Variants in TMEM87A observed in about 807,000 individuals in gnomAD.
The protein encoded by TMEM87A is transmembrane protein 87A.
Under a neutral mutation model 90.0 loss-of-function variants are expected in TMEM87A, and 50 were observed. The observed-to-expected ratio is 0.56, with a 90% confidence interval of 0.44 to 0.70. The LOEUF is 0.70. TMEM87A is among the 30% of genes least tolerant of loss of function. TMEM87A has a pLI of 0.00. For missense variants in TMEM87A, 577 were observed against 660.5 expected, an observed-to-expected ratio of 0.87 and a Z score of 1.39; for synonymous variants, 226 against 226.7, an observed-to-expected ratio of 1.00 and a Z score of 0.03.
chr15:42,215,938 A>G (rs914593041), intron 19 of TMEM87A, among the ~76,000 whole-genome samples: 1 of 152,214 alleles, frequency 6.6e-6, no homozygotes, highest in Admixed American at 6.5e-5. Context: ...GTGCACTCCC[A>G]TGTTCACTGC....
At chr15:42,266,510 C>T (rs2051407839) in intron 3 of TMEM87A, among the ~76,000 whole-genome samples, 1 of 55,014 alleles carries the variant, frequency 1.8e-5, no homozygotes, top group Non-Finnish European at 4.5e-5. Flanking sequence ...AGTGAGACTC[C>T]ATCTCAAAAA....
chr15:42,265,290 T>C (rs971184418), intron 3 of TMEM87A, among the ~76,000 whole-genome samples: 32 of 152,224 alleles, frequency 2.1e-4, no homozygotes, highest in African/African-American at 7.7e-4. Flanking sequence ...GCCACAGTGC[T>C]TTCCACAGTG....
In TMEM87A at chr15:42,270,105, C is replaced by T. The variant is rs2051488455; in HGVS notation, c.205+1958G>A. On this transcript the variant is annotated intron_variant, in intron 2 of 19. Coordinates refer to ENST00000389834, the MANE Select transcript of TMEM87A (RefSeq NM_015497.5). ...GTGTCTCAGGCCGGGCACGGTGGCTCACACCTGTAATCCCAGAACTGTGGG... is the reference window on the plus strand; with the variant it reads ...GTGTCTCAGGCCGGGCACGGTGGCTTACACCTGTAATCCCAGAACTGTGGG... Among the ~76,000 whole-genome samples, 3 of 152,238 alleles carry T rather than the reference C, an allele frequency of 2.0e-5. No individual in the cohort carries two copies. In the South Asian group the frequency reaches 6.2e-4, roughly 32 times the overall value.
At chr15:42,264,699 A>ATATATTTTTTTTTTT (rs10681614) in intron 3 of TMEM87A, among the ~76,000 whole-genome samples, 14 of 109,436 alleles carry the variant, frequency 1.3e-4, no homozygotes, top group East Asian at 5.8e-4. Flanking sequence ...ATATATATAT[A>ATATATTTTTTTTTTT]TTTTTTTTTT....
chr15:42,268,859 T>A (rs1464138329), intron 2 of TMEM87A, among the ~76,000 whole-genome samples: 2 of 152,120 alleles, frequency 1.3e-5, no homozygotes, highest in Non-Finnish European at 2.9e-5. Flanking sequence ...TGTTAAATGG[T>A]GTTAAATGAT....
In TMEM87A at chr15:42,260,982, G is replaced by A. The variant is rs772770366; in HGVS notation, c.480C>T (p.Asn160=). 1 of 1,607,734 alleles carries A rather than the reference G, an allele frequency of 6.2e-7. No individual in the cohort carries two copies. Among genetic ancestry groups the A allele is most frequent in the East Asian group, 2.2e-5 (1 of 44,664 alleles). Residue 160 remains asparagine, a synonymous_variant, in exon 6 of 20, where the codon AAC becomes AAT. Transcript: ENST00000389834. ...CGGTTTTGTCTCCAATAAAGGTAAG[G>A]TTTGTTCCATTCTCCTTAGCCTTTA... is the stretch of plus-strand genomic sequence containing the variant. The part of the protein sequence containing the change: ...EKQEAKENGT[N]LTFIGDKTAM...
chr15:42,237,670 C>T, intron 8 of TMEM87A, 55 bp from the exon 9 acceptor site: 1 of 1,364,292 alleles, frequency 7.3e-7, no homozygotes, highest in South Asian at 1.7e-5. Flanking sequence ...AGAGCCAAGT[C>T]TGTAGATTTA....
Position 42,211,755 on chromosome 15 carries a change from GA to G in TMEM87A, c.1627-7del, listed in dbSNP as rs367909084. On this transcript the variant is annotated splice_polypyrimidine_tract_variant and splice_region_variant and intron_variant, in intron 19 of 19. Coordinates refer to ENST00000389834, the MANE Select transcript of TMEM87A (RefSeq NM_015497.5). ...AAGTGTGTGATCATTCGTTCCTAGG[GA>G]AAAAAAAAAAGGTTGAAGTATATTA... 0.051 allele frequency: 49,338 copies of G among 958,928 alleles called. 86 individuals carry two copies. Among genetic ancestry groups the G allele is most frequent in the South Asian group, 0.082 (3,802 of 46,552 alleles). The allele number at this position is 958,928 out of a possible 1,614,324, so 59.4% of individuals were successfully genotyped here. A position where few individuals can be genotyped will look rare whatever the true frequency, so the allele number is the denominator to read the frequency against.
Position 42,227,867 on chromosome 15 carries a change from G to A in TMEM87A, c.1241-98C>T, listed in dbSNP as rs139835185. On this transcript the variant is annotated intron_variant, in intron 13 of 19. Coordinates refer to ENST00000389834, the MANE Select transcript of TMEM87A (RefSeq NM_015497.5). ...GGTTAAGTGGAATCCCACACACCCC[G>A]AACCCCCAAATACATCACAACTCTA... 9.6e-5 allele frequency: 97 copies of A among 1,011,578 alleles called. No individual in the cohort carries two copies. In the East Asian group the frequency reaches 1.7e-3, roughly 18 times the overall value. 62.7% of individuals were successfully genotyped at this position (1,011,578 alleles called of 1,614,324 possible).
intron 7 of TMEM87A, among the ~76,000 whole-genome samples, chr15:42,240,704 G>A (rs1177027008): frequency 6.6e-6 from 1 of 152,222 alleles, no homozygotes; most frequent in East Asian, 1.9e-4. Context: ...TGACTTGAGT[G>A]GTGATCATCC....
chr15:42,255,369 TG>T (rs1261949922), intron 6 of TMEM87A, among the ~76,000 whole-genome samples: 1 of 152,120 alleles, frequency 6.6e-6, no homozygotes, highest in African/African-American at 2.4e-5. Flanking sequence ...TGACCTCAGG[TG>T]ATCTGTCTGC....
chr15:42,221,871 C>G (rs1293514750), intron 15 of TMEM87A, among the ~76,000 whole-genome samples: 1 of 152,124 alleles, frequency 6.6e-6, no homozygotes, highest in East Asian at 1.9e-4. Context: ...CCACCTCAGC[C>G]TCCCAAGTAG....
At position 42,273,429 on chromosome 15, in the gene TMEM87A, A is replaced by G. The variant is rs1315435542; in HGVS notation, c.-31T>C. On this transcript the variant is annotated 5_prime_UTR_variant, in exon 1 of 20. An upstream start codon of the reference 5' UTR is lost. Transcript: ENST00000389834. The stretch of plus-strand genomic sequence containing the variant: ...CAGCCGTGGAGTGCCTACCGAAAGC[A>G]TTTCACCCTCTTCCGGTTCGTCCCG... 16 of 1,612,456 alleles carry G rather than the reference A, an allele frequency of 9.9e-6. No individual in the cohort carries two copies. Among genetic ancestry groups the G allele is most frequent in the Non-Finnish European group, 1.4e-5 (16 of 1,179,488 alleles).
intron 19 of TMEM87A, among the ~76,000 whole-genome samples, chr15:42,213,577 C>T (rs904277631): frequency 1.3e-5 from 2 of 152,178 alleles, no homozygotes; most frequent in Non-Finnish European, 2.9e-5. Flanking sequence ...CCACTGGCTC[C>T]AGGAGACCCA....
intron 7 of TMEM87A, among the ~76,000 whole-genome samples, chr15:42,242,288 C>T (rs1432434733): frequency 6.6e-6 from 1 of 151,810 alleles, no homozygotes; most frequent in Non-Finnish European, 1.5e-5. Flanking sequence ...CAATGTACTA[C>T]GGTAGTACAT....
At chr15:42,224,781 T>C (rs2050559338) in intron 15 of TMEM87A, among the ~76,000 whole-genome samples, 1 of 152,080 alleles carries the variant, frequency 6.6e-6, no homozygotes, top group South Asian at 2.1e-4. Context: ...ATCTCCACAA[T>C]GTACTGTCAC....
chr15:42,215,427 G>A (rs947563466), intron 19 of TMEM87A, among the ~76,000 whole-genome samples: 2 of 152,218 alleles, frequency 1.3e-5, no homozygotes, highest in Non-Finnish European at 2.9e-5. Flanking sequence ...CGTGAACCCG[G>A]AGGTTCTTAT....
intron 6 of TMEM87A, among the ~76,000 whole-genome samples, chr15:42,257,170 T>C (rs968499878): frequency 1.3e-5 from 2 of 152,210 alleles, no homozygotes; most frequent in African/African-American, 4.8e-5. Context: ...CTCCCAAATT[T>C]CATATTGAAA....
intron 19 of TMEM87A, among the ~76,000 whole-genome samples, chr15:42,212,677 T>C (rs577572070): frequency 6.6e-6 from 1 of 152,356 alleles, no homozygotes; most frequent in South Asian, 2.1e-4. Context: ...TTACTTCTTG[T>C]GTGACTAGAA....
Sources: gnomAD v4.1 joint callset for allele counts (sites outside exome capture counted in the v4.1 genomes callset) on GRCh38, gnomAD v4.1.1 for gene constraint, MANE v1.5 for transcripts, NCBI Gene and HGNC (gene_info 2026-07-23, HGNC 2026-07-21) for gene names.